The following CLNK variants were observed in gnomAD, a reference collection of about 807,000 sequenced individuals.
CLNK encodes cytokine dependent hematopoietic cell linker, also known as cytokine-dependent hematopoietic cell linker.
Under a neutral mutation model 68.6 loss-of-function variants are expected in CLNK, and 74 were observed. That is an observed-to-expected ratio of 1.08 (90% CI 0.89 to 1.31). The LOEUF (loss-of-function observed/expected upper bound fraction) is 1.31. Among genes scored for constraint, CLNK ranks in the 50% most tolerant of loss-of-function variants. The probability of loss-of-function intolerance (pLI) is 0.00; values close to 1 mark genes in which losing one functional copy is unlikely to be tolerated. For missense variants in CLNK, 553 were observed against 515.3 expected (o/e 1.07, Z -0.71); for synonymous variants, 198 against 172.2 (o/e 1.15, Z -1.17).
intron 4 of CLNK, among the ~76,000 whole-genome samples, chr4:10,579,454 A>G (rs1352003971): frequency 1.3e-5 from 2 of 152,264 alleles, no homozygotes; most frequent in Non-Finnish European, 2.9e-5. Context: ...TACATGCCAT[A>G]TAACCATATT....
At chr4:10,609,201 C>G (rs927145254) in intron 2 of CLNK, among the ~76,000 whole-genome samples, 3 of 152,220 alleles carry the variant, frequency 2.0e-5, no homozygotes, top group African/African-American at 7.2e-5. Flanking sequence ...TCCCCATACT[C>G]CTACCTTTAT....
At chr4:10,535,766 T>C (rs1400446166) in intron 11 of CLNK, among the ~76,000 whole-genome samples, 1 of 152,230 alleles carries the variant, frequency 6.6e-6, no homozygotes, top group African/African-American at 2.4e-5. Flanking sequence ...AAAGTTTTGT[T>C]TTGAAGCTAT....
At chr4:10,582,545 G>A (rs1169372468) in intron 4 of CLNK, among the ~76,000 whole-genome samples, 1 of 151,964 alleles carries the variant, frequency 6.6e-6, no homozygotes, top group Non-Finnish European at 1.5e-5. Flanking sequence ...TCTTTATTTA[G>A]GGGAAGGAGA....
intron 2 of CLNK, among the ~76,000 whole-genome samples, chr4:10,658,857 A>C (rs1053037319): frequency 6.6e-6 from 1 of 152,234 alleles, no homozygotes; most frequent in Non-Finnish European, 1.5e-5. Context: ...CATACACTGC[A>C]GAAAAGCATG....
chr4:10,723,269 C>G, the CLNK span, among the ~76,000 whole-genome samples: 65,949 of 151,976 alleles, frequency 0.43, 15,095 homozygotes, highest in East Asian at 0.58. Context: ...GAAGTGCTTA[C>G]GATCCGTGCT....
At position 10,637,438 on chromosome 4, in the gene CLNK, G is replaced by GTTTTTTTTT. The variant is rs11396379; in HGVS notation, c.11+30412_11+30420dup. Among the ~76,000 whole-genome samples, 25 of 124,160 alleles carry GTTTTTTTTT rather than the reference G, an allele frequency of 2.0e-4. 1 individual carries two copies. The highest frequency in any genetic ancestry group is 3.1e-4 in the Non-Finnish European group (19 of 60,950). 81.5% of individuals were successfully genotyped at this position (124,160 alleles called of 152,430 possible). A position where few individuals can be genotyped will look rare whatever the true frequency, so the allele number is the denominator to read the frequency against. ...TATGTGATAAGCAACAATAAAAAAA[G>GTTTTTTTTT]TTTTTTTTTTTTTTTTGGCAGGGTT... On this transcript the variant is annotated intron_variant, in intron 2 of 18. Coordinates refer to ENST00000226951, the MANE Select transcript of CLNK (RefSeq NM_052964.4).
intron 15 of CLNK, 34 bp from the exon 16 acceptor site, chr4:10,513,631 T>C: frequency 6.4e-7 from 1 of 1,566,454 alleles, no homozygotes; most frequent in Non-Finnish European, 8.7e-7. Flanking sequence ...CAGTGTGATT[T>C]TGTGACTGGT....
At chr4:10,578,778 G>T (rs1314405905) in intron 4 of CLNK, among the ~76,000 whole-genome samples, 1 of 151,594 alleles carries the variant, frequency 6.6e-6, no homozygotes, top group East Asian at 1.9e-4. Context: ...TACCATGTTG[G>T]CCAGGCTGGT....
intron 2 of CLNK, among the ~76,000 whole-genome samples, chr4:10,667,080 C>T (rs1452402756): frequency 6.6e-6 from 1 of 152,160 alleles, no homozygotes; most frequent in South Asian, 2.1e-4. Context: ...GAACTTCTTG[C>T]ATATCCAGAG....
At chr4:10,635,936 T>A (rs962076191) in intron 2 of CLNK, 5 of 152,210 alleles carry the variant, frequency 3.3e-5, no homozygotes, top group African/African-American at 1.2e-4. Context: ...ATAAGACGCG[T>A]TCTCTGCAAT....
chr4:10,576,755 T>C (rs1720582535), intron 4 of CLNK, among the ~76,000 whole-genome samples: 1 of 152,210 alleles, frequency 6.6e-6, no homozygotes, highest in Non-Finnish European at 1.5e-5. Context: ...ATCAGTCTGC[T>C]TTTTTCCTCC....
chr4:10,623,863 C>G (rs1207856656), intron 2 of CLNK, among the ~76,000 whole-genome samples: 2 of 152,212 alleles, frequency 1.3e-5, no homozygotes, highest in Non-Finnish European at 2.9e-5. Context: ...TGAGTCAGGA[C>G]AGTGATGTCT....
Position 10,658,275 on chromosome 4 carries a change from A to G in CLNK, c.11+9584T>C, listed in dbSNP as rs369973700. Among the ~76,000 whole-genome samples the G allele has an allele frequency of 6.6e-5, 10 of 152,308 alleles. No individual in the cohort carries two copies. In the East Asian group the frequency reaches 1.5e-3, roughly 23 times the overall value. On this transcript the variant is annotated intron_variant, in intron 2 of 18. Transcript: ENST00000226951. ...TTACAATGAATGTTCTTCATGGTGGAATATCAGGTCCTATGAATCTTTAAA... is the reference window on the plus strand; with the variant it reads ...TTACAATGAATGTTCTTCATGGTGGGATATCAGGTCCTATGAATCTTTAAA...
chr4:10,658,568 G>A (rs1327094670), intron 2 of CLNK, among the ~76,000 whole-genome samples: 1 of 152,178 alleles, frequency 6.6e-6, no homozygotes, highest in Non-Finnish European at 1.5e-5. Flanking sequence ...GGTTCTCAAG[G>A]CGGGTGCCTA....
Position 10,501,339 on chromosome 4 carries a change from C to A in CLNK, c.1057G>T (p.Glu353Ter), listed in dbSNP as rs75239589. 1 of 1,609,820 alleles carries A rather than the reference C, an allele frequency of 6.2e-7. No individual in the cohort carries two copies. Among genetic ancestry groups the A allele is most frequent in the Non-Finnish European group, 8.5e-7 (1 of 1,178,738 alleles). Residue 353 changes from glutamate to a stop codon, truncating the protein, a stop_gained, in exon 18 of 19, where the codon GAG becomes TAG. Coordinates refer to ENST00000226951, the MANE Select transcript of CLNK (RefSeq NM_052964.4). LOFTEE classifies it high-confidence loss of function. Reference sequence around the variant, plus strand: ...ATTTTTACATTGTAGACTTTGTTCTCATAAAACACAGCCAAAACATAGGGC... The same window carrying A: ...ATTTTTACATTGTAGACTTTGTTCTAATAAAACACAGCCAAAACATAGGGC... ...EEPYVLAVFY[E>*]NKVYNVKIRF... is the part of the protein sequence containing the mutation.
chr4:10,559,732 C>T (rs1228085407), intron 7 of CLNK, among the ~76,000 whole-genome samples: 1 of 152,154 alleles, frequency 6.6e-6, no homozygotes, highest in Non-Finnish European at 1.5e-5. Flanking sequence ...TGTCCCTCCC[C>T]TGGGGCAATT....
chr4:10,665,962 AC>A (rs1338903325), intron 2 of CLNK, among the ~76,000 whole-genome samples: 1 of 152,166 alleles, frequency 6.6e-6, no homozygotes, highest in African/African-American at 2.4e-5. Context: ...TATCCAGGTG[AC>A]CCCTAAATCC....
the CLNK span, among the ~76,000 whole-genome samples, chr4:10,700,033 T>C: frequency 6.6e-6 from 1 of 151,430 alleles, no homozygotes; most frequent in Non-Finnish European, 1.5e-5. Flanking sequence ...TGTGTATATA[T>C]ATATTTCCTA....
chr4:10,568,407 A>T (rs949758074), intron 5 of CLNK, among the ~76,000 whole-genome samples: 2 of 152,206 alleles, frequency 1.3e-5, no homozygotes, highest in Non-Finnish European at 2.9e-5. Context: ...TCATTTTGAG[A>T]TGATAAAAAT....
Sources: allele counts gnomAD v4.1 joint callset (sites outside exome capture counted in the v4.1 genomes callset), GRCh38; gene constraint gnomAD v4.1.1; transcripts MANE v1.5; gene names NCBI Gene and HGNC (gene_info 2026-07-23, HGNC 2026-07-21).